Variants in ZFAND2B observed in about 807,000 individuals in gnomAD.
ZFAND2B encodes zinc finger AN1-type containing 2B, also known as AN1-type zinc finger protein 2B.
ZFAND2B carries 27 observed loss-of-function variants against 38.2 expected under a neutral mutation model. The observed-to-expected ratio is 0.71, with a 90% confidence interval of 0.52 to 0.97. The LOEUF (loss-of-function observed/expected upper bound fraction) is 0.97. ZFAND2B is among the 50% of genes least tolerant of loss of function. The pLI is 0.00. For synonymous variants in ZFAND2B, 111 were observed against 119.4 expected, an observed-to-expected ratio of 0.93 and a Z score of 0.46; for missense variants, 303 against 331.5, an observed-to-expected ratio of 0.91 and a Z score of 0.67.
Position 219,206,879 on chromosome 2 carries a change from G to C in ZFAND2B, c.-109G>C. On this transcript the variant is annotated 5_prime_UTR_variant, in exon 1 of 9. Transcript: ENST00000289528. Reference sequence around the variant, plus strand: ...GGCTGGGCGGGGGAGAGGAAGGGGCGGGGCAGGGAGCCCGCCAGAGTGCGG... The same window carrying C: ...GGCTGGGCGGGGGAGAGGAAGGGGCCGGGCAGGGAGCCCGCCAGAGTGCGG... The C allele has an allele frequency of 1.6e-6, 2 of 1,252,998 alleles. No individual in the cohort carries two copies. Among genetic ancestry groups the C allele is most frequent in the African/African-American group, 1.5e-5 (1 of 64,728 alleles). 77.6% of individuals were successfully genotyped at this position (1,252,998 alleles called of 1,614,324 possible).
chr2:219,207,070 G>C, intron 1 of ZFAND2B, 28 bp downstream of exon 1: 1 of 1,583,130 alleles, frequency 6.3e-7, no homozygotes, highest in African/African-American at 1.4e-5. Context: ...CGGGGGGCGG[G>C]GCCCAGCGGA....
At position 219,206,861 on chromosome 2, in the gene ZFAND2B, C is replaced by CG; in HGVS notation, c.-122dup. 1 of 1,054,702 alleles carries CG rather than the reference C, an allele frequency of 9.5e-7. No individual in the cohort carries two copies. Among genetic ancestry groups the CG allele is most frequent in the South Asian group, 1.7e-5 (1 of 59,530 alleles). 65.3% of individuals were successfully genotyped at this position (1,054,702 alleles called of 1,614,324 possible). On this transcript the variant is annotated 5_prime_UTR_variant, in exon 1 of 9. Transcript: ENST00000289528. Reference sequence around the variant, plus strand: ...GGGGGCTCCGGTAACCCGGGCTGGGCGGGGGAGAGGAAGGGGCGGGGCAGG... The same window carrying CG: ...GGGGGCTCCGGTAACCCGGGCTGGGCGGGGGGAGAGGAAGGGGCGGGGCAGG...
At position 219,208,298 on chromosome 2, in the gene ZFAND2B, C is replaced by A; in HGVS notation, c.477C>A (p.Ser159Arg). ...GAGCACAAGCTGTGGCTTCTACAAG[C>A]ACTGTCCCCAGCCCAAGTCAAACCA... ...ISRAQAVAST[S>R]TVPSPSQTMP... Residue 159 changes from serine to arginine, a missense_variant, in exon 5 of 9, where the codon AGC becomes AGA. Coordinates refer to ENST00000289528, the MANE Select transcript of ZFAND2B (RefSeq NM_138802.3). 1.9e-6 allele frequency: 3 copies of A among 1,614,190 alleles called. No individual in the cohort carries two copies. The Middle Eastern group carries it at 4.9e-4, about 266-fold the overall frequency.
At position 219,207,314 on chromosome 2, in the gene ZFAND2B, C is replaced by A; in HGVS notation, c.56-13C>A. On this transcript the variant is annotated splice_polypyrimidine_tract_variant and intron_variant, in intron 1 of 8. Transcript: ENST00000289528. ...GGTCCCGCTGGACCTGCAATCCGAC[C>A]AACTCTTTGCAGATTTTCTGCCGCT... is the stretch of plus-strand genomic sequence containing the variant. 1 of 1,613,312 alleles carries A rather than the reference C, an allele frequency of 6.2e-7. No homozygotes were observed. Among genetic ancestry groups the A allele is most frequent in the Non-Finnish European group, 8.5e-7 (1 of 1,179,276 alleles).
In ZFAND2B at chr2:219,208,357, G is replaced by C. The variant is rs1950522195; in HGVS notation, c.527+9G>C. On this transcript the variant is annotated intron_variant, in intron 5 of 8. Coordinates refer to ENST00000289528, the MANE Select transcript of ZFAND2B (RefSeq NM_138802.3). Reference sequence around the variant, plus strand: ...TGTACCTCTCCCAGCAGGTAGGCCTGCCCGTTTCCCTGCTCCCCCTTTTTC... The same window carrying C: ...TGTACCTCTCCCAGCAGGTAGGCCTCCCCGTTTCCCTGCTCCCCCTTTTTC... The C allele has an allele frequency of 6.2e-7, 1 of 1,614,154 alleles. No homozygotes were observed. Among genetic ancestry groups the C allele is most frequent in the Non-Finnish European group, 8.5e-7 (1 of 1,180,030 alleles).
chr2:219,208,749 G>T (rs940548031), intron 7 of ZFAND2B, 110 bp downstream of exon 7: 5 of 1,308,974 alleles, frequency 3.8e-6, no homozygotes, highest in African/African-American at 1.5e-5. Flanking sequence ...TGGCAACTTG[G>T]TCTCAAAATT....
chr2:219,207,563 G>T (rs745972697), intron 2 of ZFAND2B, 85 bp from the exon 3 acceptor site: 253 of 1,595,948 alleles, frequency 1.6e-4, no homozygotes, highest in Admixed American at 5.9e-4. Flanking sequence ...GCGTGTTTGT[G>T]GTGGGTCATA....
At chr2:219,207,824 T>C (rs1950510537) in intron 3 of ZFAND2B, 45 bp downstream of exon 3, 1 of 1,613,374 alleles carries the variant, frequency 6.2e-7, no homozygotes, top group African/African-American at 1.3e-5. Context: ...GGACTACGGA[T>C]GCCTGGAAAC....
Position 219,207,702 on chromosome 2 carries a change from G to A in ZFAND2B, c.205G>A (p.Gly69Arg). 4 of 1,614,188 alleles carry A rather than the reference G, an allele frequency of 2.5e-6. No homozygotes were observed. The highest frequency in any genetic ancestry group is 3.4e-6 in the Non-Finnish European group (4 of 1,180,044). Residue 69 changes from glycine to arginine, a missense_variant, in exon 3 of 9, where the codon GGG becomes AGG. Physicochemically the swap from Gly to Arg is moderately radical, Grantham distance 125. Transcript: ENST00000289528. ...TAATGTGCCTGTGCCTGTGGCCAGA[G>A]GGGAGCCCCCTGACCGTGCTGTGGG... ...LCNVPVPVAR[G>R]EPPDRAVGEH...
At position 219,207,885 on chromosome 2, in the gene ZFAND2B, AGATCTT is replaced by A; in HGVS notation, c.283-1_287del. ...AGAGACAACCTTCTCACTTCACCTCAGATCTTCACCAATAAGTGTGAACGCGCTGGC... is the reference window on the plus strand; with the variant it reads ...AGAGACAACCTTCTCACTTCACCTCACACCAATAAGTGTGAACGCGCTGGC... On this transcript the variant is annotated splice_acceptor_variant and coding_sequence_variant, in exon 4 of 9. Coordinates refer to ENST00000289528, the MANE Select transcript of ZFAND2B (RefSeq NM_138802.3). LOFTEE classifies it high-confidence loss of function. 3 of 1,614,194 alleles carry A rather than the reference AGATCTT, an allele frequency of 1.9e-6. No homozygotes were observed. The highest frequency in any genetic ancestry group is 2.5e-6 in the Non-Finnish European group (3 of 1,180,036).
In ZFAND2B at chr2:219,207,059, G is replaced by A. The variant is rs1444649805; in HGVS notation, c.55+17G>A. 2.5e-6 allele frequency: 4 copies of A among 1,591,632 alleles called. 1 individual carries two copies. The highest frequency in any genetic ancestry group is 2.3e-5 in the East Asian group (1 of 43,506). ...AGCGCTTGGGTGAGGGGCGGAGCGC[G>A]CGGGGGGCGGGGCCCAGCGGACAGG... On this transcript the variant is annotated intron_variant, in intron 1 of 8. Coordinates refer to ENST00000289528, the MANE Select transcript of ZFAND2B (RefSeq NM_138802.3).
At chr2:219,209,175 C>T (rs1950538016) in intron 8 of ZFAND2B, 87 bp from the exon 9 acceptor site, 2 of 1,564,558 alleles carry the variant, frequency 1.3e-6, no homozygotes, top group Admixed American at 3.6e-5. Flanking sequence ...ATGACTCCAG[C>T]CCATGCTGAG....
chr2:219,207,091 GAACCGC>G (rs1559231004), intron 1 of ZFAND2B, 49 bp downstream of exon 1: 1 of 1,505,666 alleles, frequency 6.6e-7, no homozygotes, highest in African/African-American at 1.4e-5. Context: ...CAGGGACTTT[GAACCGC>G]AGGTTGGGAG....
chr2:219,208,559 T>C lies in ZFAND2B; in HGVS notation c.589-13T>C. On this transcript the variant is annotated splice_polypyrimidine_tract_variant and intron_variant, in intron 6 of 8. Coordinates refer to ENST00000289528, the MANE Select transcript of ZFAND2B (RefSeq NM_138802.3). ...GAAGTCCAAGGACGCTGGTCTTCTT[T>C]CTCCCTTTGTAGAGTGAGGATGAAG... 1.2e-6 allele frequency: 2 copies of C among 1,614,200 alleles called. No homozygotes were observed. Among genetic ancestry groups the C allele is most frequent in the Non-Finnish European group, 1.7e-6 (2 of 1,180,036 alleles).
At position 219,208,620 on chromosome 2, in the gene ZFAND2B, A is replaced by G. The variant is rs763522993; in HGVS notation, c.637A>G (p.Thr213Ala). ...GGCCCTGGAAATGTCCCTGGCAGAAACCAAACCCCAGGTTCCAAGGTACCT... is the reference window on the plus strand; with the variant it reads ...GGCCCTGGAAATGTCCCTGGCAGAAGCCAAACCCCAGGTTCCAAGGTACCT... ...QRALEMSLAE[T>A]KPQVPSCQEE... The change falls in exon 7 of 9, where the codon ACC (threonine) becomes GCC (alanine). Residue 213 changes from threonine (T) to alanine (A), a missense_variant. Transcript: ENST00000289528. 17 of 1,613,886 alleles carry G rather than the reference A, an allele frequency of 1.1e-5. No individual in the cohort carries two copies. The highest frequency in any genetic ancestry group is 1.4e-5 in the Non-Finnish European group (16 of 1,179,910).
rs534568381 is a variant in ZFAND2B at position 219,209,090 on chromosome 2, A to C, written c.729+41A>C. On this transcript the variant is annotated intron_variant, in intron 8 of 8. Coordinates refer to ENST00000289528, the MANE Select transcript of ZFAND2B (RefSeq NM_138802.3). ...GAAGATATATGCTGCAGTGGAAGGGAGGAAGAAGTCAGGGATGGGGGTTCT... is the reference window on the plus strand; with the variant it reads ...GAAGATATATGCTGCAGTGGAAGGGCGGAAGAAGTCAGGGATGGGGGTTCT... 14 of 1,611,854 alleles carry C rather than the reference A, an allele frequency of 8.7e-6. No individual in the cohort carries two copies. The African/African-American group carries it at 1.7e-4, about 20-fold the overall frequency.
rs113603608 is a variant in ZFAND2B at position 219,209,072 on chromosome 2, T to C, written c.729+23T>C. On this transcript the variant is annotated intron_variant, in intron 8 of 8. Coordinates refer to ENST00000289528, the MANE Select transcript of ZFAND2B (RefSeq NM_138802.3). ...CAGGTATGAGGCTGGGCTGAAGATA[T>C]ATGCTGCAGTGGAAGGGAGGAAGAA... 7.2e-4 allele frequency: 1,154 copies of C among 1,613,676 alleles called. 16 individuals are homozygous for C. In the African/African-American group the frequency reaches 0.011, roughly 16 times the overall value.
Position 219,207,981 on chromosome 2 carries a change from A to G in ZFAND2B, c.377A>G (p.His126Arg), listed in dbSNP as rs1574803352. 6.2e-7 allele frequency: 1 copy of G among 1,613,984 alleles called. No homozygotes were observed. Among genetic ancestry groups the G allele is most frequent in the Non-Finnish European group, 8.5e-7 (1 of 1,180,000 alleles). Residue 126 changes from histidine to arginine, a missense_variant, in exon 4 of 9, where the codon CAC becomes CGC. Coordinates refer to ENST00000289528, the MANE Select transcript of ZFAND2B (RefSeq NM_138802.3). Reference sequence around the variant, plus strand: ...TGTAGCCGAAACTTCTGCATCAAGCACCGGCATCCACTGGACCATGATTGC... The same window carrying G: ...TGTAGCCGAAACTTCTGCATCAAGCGCCGGCATCCACTGGACCATGATTGC... Reference protein sequence around the residue: ...ERCSRNFCIKHRHPLDHDCSG... With the variant: ...ERCSRNFCIKRRHPLDHDCSG...
Position 219,206,966 on chromosome 2 carries a change from G to C in ZFAND2B, c.-22G>C. The C allele has an allele frequency of 1.9e-6, 3 of 1,612,078 alleles. No individual in the cohort carries two copies. The highest frequency in any genetic ancestry group is 2.5e-6 in the Non-Finnish European group (3 of 1,179,304). On this transcript the variant is annotated 5_prime_UTR_variant, in exon 1 of 9. Coordinates refer to ENST00000289528, the MANE Select transcript of ZFAND2B (RefSeq NM_138802.3). Reference sequence around the variant, plus strand: ...CGCTCAGCACTCGTCGCTTCTCCTAGCAGACCCTGCCCGGCTTGGCGATGG... The same window carrying C: ...CGCTCAGCACTCGTCGCTTCTCCTACCAGACCCTGCCCGGCTTGGCGATGG...
Sources: allele counts gnomAD v4.1 joint callset, GRCh38; gene constraint gnomAD v4.1.1; transcripts MANE v1.5; gene names NCBI Gene and HGNC (gene_info 2026-07-23, HGNC 2026-07-21).